Variants in PCM1 observed in about 807,000 individuals in gnomAD.
PCM1 encodes the protein pericentriolar material 1 protein.
In PCM1, 157 loss-of-function variants were observed where a neutral mutation model predicts 241.9. The observed-to-expected ratio is 0.65, with a 90% CI of 0.57 to 0.74. The LOEUF (loss-of-function observed/expected upper bound fraction) is 0.74, where lower values mean the gene tolerates loss of function less well. PCM1 is among the 30% of genes least tolerant of loss of function. The probability of loss-of-function intolerance (pLI) is 0.00; values close to 1 mark genes in which losing one functional copy is unlikely to be tolerated. For missense variants in PCM1, 3,478 were observed against 2,360.1 expected (o/e 1.47, Z -9.81); for synonymous variants, 1,085 against 784.9 (o/e 1.38, Z -6.39).
intron 38 of PCM1, 58 bp from the exon 39 acceptor site, chr8:18,027,579 T>G: frequency 8.3e-7 from 1 of 1,210,618 alleles, no homozygotes; most frequent in Non-Finnish European, 1.2e-6. Context: ...CAGAGAACAA[T>G]GTTAAATTCT....
intron 23 of PCM1, among the ~76,000 whole-genome samples, chr8:17,975,479 TAAAG>T (rs970165032): frequency 9.2e-5 from 14 of 152,050 alleles, no homozygotes; most frequent in African/African-American, 1.2e-4. Flanking sequence ...TATTATATCT[TAAAG>T]GAAGTGGTAA....
intron 29 of PCM1, among the ~76,000 whole-genome samples, chr8:18,003,731 G>T (rs2090376405): frequency 6.6e-6 from 1 of 152,024 alleles, no homozygotes; most frequent in South Asian, 2.1e-4. Context: ...CAAGTGTTTT[G>T]TGAATTTATT....
intron 2 of PCM1, 113 bp from the exon 3 acceptor site, chr8:17,935,476 T>C: frequency 1.7e-6 from 1 of 595,764 alleles, no homozygotes; most frequent in Non-Finnish European, 3.1e-6. Flanking sequence ...TGCCTCATTT[T>C]AGTTCATAAA....
At chr8:17,970,297 C>T (rs1051801443) in intron 22 of PCM1, among the ~76,000 whole-genome samples, 8 of 152,108 alleles carry the variant, frequency 5.3e-5, no homozygotes, top group Admixed American at 5.2e-4. Flanking sequence ...AGATGTATCT[C>T]TCTGATTGTC....
At chr8:18,024,617 T>G (rs1445757762) in intron 36 of PCM1, among the ~76,000 whole-genome samples, 10 of 152,214 alleles carry the variant, frequency 6.6e-5, no homozygotes, top group Non-Finnish European at 1.5e-5. Flanking sequence ...TAAAAGCTCT[T>G]GAATTTGAAT....
In PCM1 at chr8:17,963,258, A is replaced by G. The variant is rs1265423648; in HGVS notation, c.2621A>G (p.Asn874Ser). The change falls in exon 17 of 39, where the codon AAC becomes AGC. Residue 874 changes from asparagine to serine, a missense_variant. By Grantham distance (46) the Asn-to-Ser change is conservative (BLOSUM62 1). Coordinates refer to ENST00000325083, the MANE Select transcript of PCM1 (RefSeq NM_006197.4). ...TCATTGAGAAGTGATGGATCTGAGA[A>G]CCTATGTACTCCTCAGCAAAGTAGA... ...AVSLRSDGSE[N>S]LCTPQQSRTE... 1.2e-6 allele frequency: 2 copies of G among 1,608,856 alleles called. No homozygotes were observed. Among genetic ancestry groups the G allele is most frequent in the Non-Finnish European group, 1.7e-6 (2 of 1,178,666 alleles).
intron 2 of PCM1, among the ~76,000 whole-genome samples, chr8:17,934,472 G>T (rs901411901): frequency 6.6e-6 from 1 of 151,986 alleles, no homozygotes; most frequent in Non-Finnish European, 1.5e-5. Flanking sequence ...TGTTGGCCAG[G>T]CTGGTCTTGA....
intron 8 of PCM1, 79 bp from the exon 9 acceptor site, chr8:17,952,891 A>G: frequency 1.2e-6 from 1 of 831,900 alleles, no homozygotes; most frequent in East Asian, 2.7e-5. Context: ...TATAAAGAAT[A>G]TTTATGCATT....
chr8:18,027,351 G>T (rs191815202), intron 38 of PCM1, among the ~76,000 whole-genome samples: 1 of 152,264 alleles, frequency 6.6e-6, no homozygotes, highest in Non-Finnish European at 1.5e-5. Flanking sequence ...CTCACAACCA[G>T]TCTTTTGTTG....
chr8:17,993,410 A>C, intron 28 of PCM1, 73 bp from the exon 29 acceptor site: 2 of 1,021,650 alleles, frequency 2.0e-6, no homozygotes, highest in Non-Finnish European at 2.7e-6. Flanking sequence ...TATTTTTCAA[A>C]TTTCAACATA....
At position 17,940,394 on chromosome 8, in the gene PCM1, A is replaced by C. The variant is rs540137407; in HGVS notation, c.783+533A>C. Among the ~76,000 whole-genome samples, 157 of 152,342 alleles carry C rather than the reference A, an allele frequency of 1.0e-3. 3 individuals are homozygous for C. Among genetic ancestry groups the C allele is most frequent in the Admixed American group, 4.1e-3 (63 of 15,304 alleles). ...TTTGAAAATGTAATTTTTGATCTTC[A>C]GTTTATAGAAACATTGTTTTTGTAG... On this transcript the variant is annotated intron_variant, in intron 6 of 38. Transcript: ENST00000325083.
intron 35 of PCM1, 103 bp downstream of exon 35, chr8:18,014,139 G>A (rs893983951): frequency 1.4e-5 from 10 of 693,156 alleles, no homozygotes; most frequent in Admixed American, 6.5e-5. Flanking sequence ...AAAATTCTTA[G>A]TTTGAAAGTA....
intron 9 of PCM1, among the ~76,000 whole-genome samples, chr8:17,954,257 G>A (rs976594991): frequency 1.3e-5 from 2 of 151,970 alleles, no homozygotes; most frequent in Non-Finnish European, 2.9e-5. Flanking sequence ...GAGAAACCCC[G>A]TCTCTACTAA....
intron 36 of PCM1, among the ~76,000 whole-genome samples, chr8:18,017,679 C>T (rs963681145): frequency 2.6e-5 from 4 of 152,184 alleles, no homozygotes; most frequent in Non-Finnish European, 4.4e-5. Flanking sequence ...CATGAATAAA[C>T]CCTGTCTCTA....
At chr8:17,945,669 A>G (rs1156481346) in intron 6 of PCM1, among the ~76,000 whole-genome samples, 1 of 152,116 alleles carries the variant, frequency 6.6e-6, no homozygotes, top group Non-Finnish European at 1.5e-5. Flanking sequence ...TGGGGAGGTA[A>G]AGAAATTTTT....
Position 18,014,691 on chromosome 8 carries a change from A to C in PCM1, c.5692A>C (p.Thr1898Pro), listed in dbSNP as rs746516116. 7.4e-6 allele frequency: 12 copies of C among 1,613,568 alleles called. No homozygotes were observed. Among genetic ancestry groups the C allele is most frequent in the South Asian group, 2.2e-5 (2 of 91,064 alleles). ...HKESPPTVDS[T>P]QQPNPLPLRL... The stretch of plus-strand genomic sequence containing the variant: ...GGAGTCACCTCCTACTGTTGATTCA[A>C]CTCAACAGCCTAACCCTTTGCCGTT... The change falls in exon 36 of 39, where the codon ACT becomes CCT. Residue 1898 changes from threonine (T) to proline (P), a missense_variant. Coordinates refer to ENST00000325083, the MANE Select transcript of PCM1 (RefSeq NM_006197.4).
chr8:17,924,304 A>T (rs1271741348), intron 1 of PCM1, among the ~76,000 whole-genome samples: 1 of 152,216 alleles, frequency 6.6e-6, no homozygotes, highest in East Asian at 1.9e-4. Flanking sequence ...TTATTTTATT[A>T]TGAAGTACAG....
chr8:18,019,065 T>TCACAGTGTGATCGA (rs1443170042), intron 36 of PCM1, among the ~76,000 whole-genome samples: 1 of 151,184 alleles, frequency 6.6e-6, no homozygotes, highest in Non-Finnish European at 1.5e-5. Context: ...AGTGTAATCT[T>TCACAGTGTGATCGA]TCTTTCCTCT....
chr8:17,957,689 G>A lies in PCM1; in HGVS notation c.1954G>A (p.Asp652Asn), dbSNP rs535618741. Residue 652 changes from aspartate (D) to asparagine (N), a missense_variant, in exon 13 of 39, where the codon GAT (aspartate) becomes AAT (asparagine). Physicochemically the swap from Asp to Asn is conservative, Grantham distance 23. Transcript: ENST00000325083. ...CAGTCTGGTTGATGAGCATCCAGAA[G>A]ATGCTGAATTTGAACAGAAGATCAA... ...RSSLVDEHPE[D>N]AEFEQKINRL... is the part of the protein sequence containing the mutation. 1 of 1,612,218 alleles carries A rather than the reference G, an allele frequency of 6.2e-7. No homozygotes were observed. Among genetic ancestry groups the A allele is most frequent in the African/African-American group, 1.3e-5 (1 of 74,894 alleles).
Sources: gnomAD v4.1 joint callset for allele counts (sites outside exome capture counted in the v4.1 genomes callset) on GRCh38, gnomAD v4.1.1 for gene constraint, MANE v1.5 for transcripts, NCBI Gene and HGNC (gene_info 2026-07-23, HGNC 2026-07-21) for gene names.